Variants in DNAH6 observed in about 807,000 individuals in gnomAD.
DNAH6 encodes dynein axonemal heavy chain 6, also known as axonemal beta dynein heavy chain 6.
A neutral mutation model predicts 491.4 loss-of-function variants in DNAH6; 340 were observed. The observed-to-expected ratio is 0.69, with a 90% CI of 0.63 to 0.76. The LOEUF is 0.76. Ranked by LOEUF, DNAH6 falls within the 30% of genes least tolerant of loss-of-function variation. The probability of loss-of-function intolerance (pLI) is 0.00; values close to 1 mark genes in which losing one functional copy is unlikely to be tolerated. For missense variants in DNAH6, 4,443 were observed against 4,972.2 expected, an observed-to-expected ratio of 0.89 and a Z score of 3.20; for synonymous variants, 1,603 against 1,686.1, an observed-to-expected ratio of 0.95 and a Z score of 1.21.
intron 18 of DNAH6, among the ~76,000 whole-genome samples, chr2:84,598,326 C>A (rs1032383718): frequency 3.9e-5 from 6 of 152,010 alleles, no homozygotes; most frequent in Non-Finnish European, 7.4e-5. Context: ...CCATGCCCAG[C>A]CAGTTCATTT....
the DNAH6 span, among the ~76,000 whole-genome samples, chr2:84,471,598 C>T: frequency 6.6e-6 from 1 of 152,104 alleles, no homozygotes; most frequent in South Asian, 2.1e-4. Flanking sequence ...TCCATCCTCG[C>T]ATTCAGATTC....
intron 64 of DNAH6, among the ~76,000 whole-genome samples, chr2:84,764,386 A>G (rs1318339132): frequency 6.6e-6 from 1 of 152,220 alleles, no homozygotes; most frequent in Non-Finnish European, 1.5e-5. Context: ...AAAGATGTCC[A>G]GCCTTACTAG....
At chr2:84,778,303 G>T (rs945783683) in intron 64 of DNAH6, 19 of 522,138 alleles carry the variant, frequency 3.6e-5, no homozygotes, top group South Asian at 8.4e-5. Flanking sequence ...TCCGGACTTG[G>T]TGGCAGTGGC....
At chr2:84,587,885 G>A (rs1683726711) in intron 15 of DNAH6, among the ~76,000 whole-genome samples, 1 of 152,212 alleles carries the variant, frequency 6.6e-6, no homozygotes, top group South Asian at 2.1e-4. Flanking sequence ...TGGCTGGGCT[G>A]CACCTGGTTG....
chr2:84,551,504 T>C (rs10173985), intron 9 of DNAH6, among the ~76,000 whole-genome samples: 136,630 of 152,248 alleles, frequency 0.9, 61,633 homozygotes, highest in East Asian at 0.99. Context: ...TTCCATGTGA[T>C]ATTCTCACAA....
chr2:84,547,683 ACTTTT>A (rs1468389990), intron 7 of DNAH6, 71 bp downstream of exon 7: 2 of 1,442,312 alleles, frequency 1.4e-6, no homozygotes, highest in Admixed American at 2.3e-5. Flanking sequence ...TTTTTATTTG[ACTTTT>A]CTTAAGTTTA....
At position 84,640,540 on chromosome 2, in the gene DNAH6, T is replaced by A; in HGVS notation, c.4932T>A (p.Phe1644Leu). 6.4e-7 allele frequency: 1 copy of A among 1,551,032 alleles called. No individual in the cohort carries two copies. Among genetic ancestry groups the A allele is most frequent in the South Asian group, 1.2e-5 (1 of 83,922 alleles). Residue 1644 changes from phenylalanine to leucine, a missense_variant, in exon 32 of 77, where the codon TTT (phenylalanine) becomes TTA (leucine). Transcript: ENST00000389394. Reference sequence around the variant, plus strand: ...TGTCTCAGCAGGATCACTACGACTTTGGCATGAGAGCTGTGAAGTCTGTCC... The same window carrying A: ...TGTCTCAGCAGGATCACTACGACTTAGGCATGAGAGCTGTGAAGTCTGTCC... ...EQLSQQDHYD[F>L]GMRAVKSVLV... is the part of the protein sequence containing the mutation.
chr2:84,765,299 A>G (rs192402847), intron 64 of DNAH6, among the ~76,000 whole-genome samples: 19 of 152,230 alleles, frequency 1.2e-4, no homozygotes, highest in African/African-American at 4.3e-4. Flanking sequence ...CAGATCATGT[A>G]GATAATGTTT....
At chr2:84,472,971 A>G in the DNAH6 span, among the ~76,000 whole-genome samples, 1 of 152,230 alleles carries the variant, frequency 6.6e-6, no homozygotes, top group Non-Finnish European at 1.5e-5. Flanking sequence ...TTAAAAGTTA[A>G]CACTGTTATC....
intron 32 of DNAH6, among the ~76,000 whole-genome samples, chr2:84,641,522 G>A (rs1282828341): frequency 6.6e-6 from 1 of 152,126 alleles, no homozygotes; most frequent in Non-Finnish European, 1.5e-5. Flanking sequence ...CCCACCAGAG[G>A]TTCACTGAGA....
intron 63 of DNAH6, among the ~76,000 whole-genome samples, chr2:84,755,873 GA>G (rs1307511109): frequency 3.3e-5 from 5 of 152,148 alleles, no homozygotes; most frequent in Admixed American, 2.0e-4. Flanking sequence ...GGAGGTAATT[GA>G]ATCACGGGAG....
intron 11 of DNAH6, among the ~76,000 whole-genome samples, chr2:84,560,318 A>G (rs1573019609): frequency 2.0e-5 from 3 of 152,118 alleles, no homozygotes; most frequent in East Asian, 1.9e-4. Context: ...CTCAAAAACA[A>G]CATACGAAGT....
At chr2:84,734,235 TC>T (rs973941789) in intron 62 of DNAH6, among the ~76,000 whole-genome samples, 3 of 147,484 alleles carry the variant, frequency 2.0e-5, no homozygotes, top group African/African-American at 7.6e-5. Context: ...AAGCTCCGCC[TC>T]CCGGGTTCAT....
the DNAH6 span, among the ~76,000 whole-genome samples, chr2:84,488,566 C>T: frequency 5.9e-5 from 9 of 152,118 alleles, no homozygotes; most frequent in African/African-American, 1.9e-4. Flanking sequence ...CTTCTTTCAG[C>T]TTTAAAGTAT....
chr2:84,561,897 A>G (rs898680645), intron 11 of DNAH6, among the ~76,000 whole-genome samples: 5 of 152,182 alleles, frequency 3.3e-5, no homozygotes, highest in South Asian at 2.1e-4. Context: ...CTTATTAGGA[A>G]CCTACTACAG....
At chr2:84,784,582 T>C in intron 65 of DNAH6, 140 bp from the exon 66 acceptor site, 1 of 609,872 alleles carries the variant, frequency 1.6e-6, no homozygotes, top group Admixed American at 2.9e-5. Flanking sequence ...GTTTACACTA[T>C]ACTTGTAATA....
chr2:84,565,939 T>G (rs1207065992), intron 11 of DNAH6, among the ~76,000 whole-genome samples: 1 of 151,968 alleles, frequency 6.6e-6, no homozygotes, highest in East Asian at 1.9e-4. Context: ...TTTTCCATTT[T>G]CATGGTAGGT....
At chr2:84,789,252 CAATT>C (rs1192806977) in intron 68 of DNAH6, among the ~76,000 whole-genome samples, 1 of 152,206 alleles carries the variant, frequency 6.6e-6, no homozygotes, top group African/African-American at 2.4e-5. Flanking sequence ...AGCACACCAA[CAATT>C]AACAGCAGAA....
chr2:84,633,847 G>T, intron 29 of DNAH6, among the ~76,000 whole-genome samples: 1 of 152,082 alleles, frequency 6.6e-6, no homozygotes, highest in East Asian at 1.9e-4. Context: ...TCGGAGGAAG[G>T]GGGGAAGTAG....
Sources: gnomAD v4.1 joint callset for allele counts (sites outside exome capture counted in the v4.1 genomes callset) on GRCh38, gnomAD v4.1.1 for gene constraint, MANE v1.5 for transcripts, NCBI Gene and HGNC (gene_info 2026-07-23, HGNC 2026-07-21) for gene names.